The following SORBS2 variants were observed in gnomAD, a reference collection of about 807,000 sequenced individuals.
SORBS2 encodes sorbin and SH3 domain-containing protein 2.
Under a neutral mutation model 97.7 loss-of-function variants are expected in SORBS2, and 46 were observed. The ratio of observed to expected loss-of-function variants is 0.47; its 90% CI spans 0.37 to 0.60. The LOEUF is 0.60. SORBS2 is among the 20% of genes least tolerant of loss of function. The pLI, the probability that SORBS2 is intolerant of heterozygous loss-of-function variation, is 0.00. For synonymous variants in SORBS2, 476 were observed against 473.4 expected (o/e 1.01, Z -0.07); for missense variants, 1,316 against 1,282.3 (o/e 1.03, Z -0.40).
rs572231874 is a variant in SORBS2, at chr4:185,827,799, C to T, written c.-337-52433G>A. The stretch of plus-strand genomic sequence containing the variant: ...TCACCATCATCATCGTCACCATCAT[C>T]GTCATCATCACCATCATCACCGTCA... On this transcript the variant is annotated intron_variant, in intron 1 of 20. Coordinates refer to the SORBS2 transcript ENST00000284776. 6.0e-4 allele frequency among the ~76,000 whole-genome samples: 86 copies of T among 143,474 alleles called. 1 individual carries two copies. Among genetic ancestry groups the T allele is most frequent in the Non-Finnish European group, 7.5e-4 (49 of 65,296 alleles). The allele number at this position is 143,474 out of a possible 152,430, so 94.1% of individuals were successfully genotyped here. A position where few individuals can be genotyped will look rare whatever the true frequency, so the allele number is the denominator to read the frequency against.
At chr4:185,893,636 A>T (rs543323820) in intron 1 of SORBS2, among the ~76,000 whole-genome samples, 1 of 152,324 alleles carries the variant, frequency 6.6e-6, no homozygotes, top group South Asian at 2.1e-4. Flanking sequence ...GCCCATGGAC[A>T]TGGGAGTCCC....
intron 1 of SORBS2, among the ~76,000 whole-genome samples, chr4:185,778,590 AC>A (rs951920880): frequency 1.3e-5 from 2 of 152,070 alleles, no homozygotes; most frequent in African/African-American, 4.8e-5. Context: ...TATAAGGTAA[AC>A]TTTTACAAAC....
chr4:185,846,795 C>A (rs563718441), intron 1 of SORBS2, among the ~76,000 whole-genome samples: 1 of 152,094 alleles, frequency 6.6e-6, no homozygotes, highest in South Asian at 2.1e-4. Flanking sequence ...TAATTCAAAC[C>A]AGGGAAAGTT....
chr4:185,915,655 T>C (rs568094409), intron 1 of SORBS2, among the ~76,000 whole-genome samples: 2 of 152,300 alleles, frequency 1.3e-5, no homozygotes, highest in Non-Finnish European at 2.9e-5. Flanking sequence ...GGGAATTCCC[T>C]ATGTGCTACA....
chr4:185,752,742 T>A (rs935204054), intron 2 of SORBS2, among the ~76,000 whole-genome samples: 5 of 152,200 alleles, frequency 3.3e-5, no homozygotes, highest in Non-Finnish European at 7.3e-5. Context: ...TAAAGAAGAT[T>A]GAAAGAAGCG....
chr4:185,659,655 T>C (rs1260265545), upstream of SORBS2, among the ~76,000 whole-genome samples: 1 of 152,000 alleles, frequency 6.6e-6, no homozygotes, highest in South Asian at 2.1e-4. Flanking sequence ...TCTCCTGACC[T>C]CGTGATCCAC....
chr4:185,873,323 T>C (rs2099231468), intron 1 of SORBS2, among the ~76,000 whole-genome samples: 1 of 152,234 alleles, frequency 6.6e-6, no homozygotes, highest in Non-Finnish European at 1.5e-5. Context: ...AAACCTGTTC[T>C]TAATGATGCC....
At chr4:185,767,458 C>T (rs970400669) in intron 2 of SORBS2, among the ~76,000 whole-genome samples, 2 of 140,464 alleles carry the variant, frequency 1.4e-5, no homozygotes, top group Non-Finnish European at 3.0e-5. Flanking sequence ...CGAGATCGCG[C>T]CCCTGCACTC....
At chr4:185,899,982 G>C (rs1422486293) in intron 1 of SORBS2, among the ~76,000 whole-genome samples, 1 of 152,200 alleles carries the variant, frequency 6.6e-6, no homozygotes, top group African/African-American at 2.4e-5. Context: ...GCTGCACATG[G>C]TGGCACACAT....
chr4:185,649,527 G>T, exon 3 of SORBS2: 1 of 1,604,548 alleles, frequency 6.2e-7, no homozygotes, highest in South Asian at 1.1e-5. Context: ...AACATGTGGG[G>T]GAGGCACTGG....
chr4:185,739,404 A>G (rs537208400), intron 2 of SORBS2, among the ~76,000 whole-genome samples: 1 of 152,374 alleles, frequency 6.6e-6, no homozygotes, highest in East Asian at 1.9e-4. Context: ...TTAATATGCT[A>G]CAGATTTGAA....
rs143832628 is a variant in SORBS2, at chr4:185,950,167, G to A, written c.-338+6029C>T. Among the ~76,000 whole-genome samples, 63 of 151,718 alleles carry A rather than the reference G, an allele frequency of 4.2e-4. 1 individual carries two copies. The highest frequency in any genetic ancestry group is 1.3e-3 in the African/African-American group (55 of 41,360). Reference sequence around the variant, plus strand: ...CTAGAAAGGCTGAGGCAGGAGAATCGTTTGAACCCAGGAGGCGGAGGTTGC... The same window carrying A: ...CTAGAAAGGCTGAGGCAGGAGAATCATTTGAACCCAGGAGGCGGAGGTTGC... On this transcript the variant is annotated intron_variant, in intron 1 of 20. Coordinates refer to the SORBS2 transcript ENST00000284776.
intron 2 of SORBS2, among the ~76,000 whole-genome samples, chr4:185,719,685 T>C (rs909477777): frequency 1.3e-5 from 2 of 152,224 alleles, no homozygotes; most frequent in Admixed American, 6.5e-5. Context: ...AAATCTTCCT[T>C]CAATTGTTGA....
chr4:185,853,304 G>A (rs977159840), intron 1 of SORBS2, among the ~76,000 whole-genome samples: 2 of 152,146 alleles, frequency 1.3e-5, no homozygotes, highest in Non-Finnish European at 2.9e-5. Context: ...TGTTTTATAG[G>A]ACAAAGTATG....
At chr4:185,828,830 A>G (rs1014994161) in intron 1 of SORBS2, among the ~76,000 whole-genome samples, 2 of 152,180 alleles carry the variant, frequency 1.3e-5, no homozygotes, top group African/African-American at 4.8e-5. Flanking sequence ...CTATCCAGCC[A>G]CACTCCAAGA....
intron 4 of SORBS2, among the ~76,000 whole-genome samples, chr4:185,670,298 G>A (rs544033143): frequency 1.2e-4 from 19 of 152,130 alleles, no homozygotes; most frequent in East Asian, 1.9e-4. Context: ...AATAACGTGC[G>A]TTTCAACTTT....
intron 1 of SORBS2, among the ~76,000 whole-genome samples, chr4:185,940,345 T>C (rs2099271283): frequency 6.6e-6 from 1 of 152,170 alleles, no homozygotes; most frequent in African/African-American, 2.4e-5. Flanking sequence ...AACTCCTTCC[T>C]CATAAATGTG....
chr4:185,686,219 C>G (rs2097955827), intron 2 of SORBS2, among the ~76,000 whole-genome samples: 3 of 151,786 alleles, frequency 2.0e-5, no homozygotes. Context: ...AGGAAAGTAT[C>G]AAGTTTGTTT....
intron 2 of SORBS2, among the ~76,000 whole-genome samples, chr4:185,702,176 C>T (rs1265904767): frequency 2.0e-5 from 3 of 152,106 alleles, no homozygotes; most frequent in East Asian, 1.9e-4. Context: ...GTAATCTATA[C>T]AGAAAAGAGG....
Sources: gnomAD v4.1 joint callset for allele counts (sites outside exome capture counted in the v4.1 genomes callset) on GRCh38, gnomAD v4.1.1 for gene constraint, MANE v1.5 for transcripts, NCBI Gene and HGNC (gene_info 2026-07-23, HGNC 2026-07-21) for gene names.